The following EPHB2 variants were observed in gnomAD, a reference collection of about 807,000 sequenced individuals.
EPHB2 encodes the protein ephrin type-B receptor 2.
EPHB2 carries 18 observed loss-of-function variants against 96.4 expected under a neutral mutation model. That is an observed-to-expected ratio of 0.19 (90% CI 0.13 to 0.28). The LOEUF (loss-of-function observed/expected upper bound fraction) is 0.28, where lower values mean the gene tolerates loss of function less well. EPHB2 is among the 10% of genes least tolerant of loss of function. The probability of loss-of-function intolerance (pLI) is 1.00; values close to 1 mark genes in which losing one functional copy is unlikely to be tolerated. For missense variants in EPHB2, 989 were observed against 1,355.4 expected (o/e 0.73, Z 4.25); for synonymous variants, 506 against 534.1 (o/e 0.95, Z 0.72).
intron 3 of EPHB2, among the ~76,000 whole-genome samples, chr1:22,838,090 C>T (rs1453360638): frequency 2.0e-5 from 3 of 152,146 alleles, no homozygotes; most frequent in Non-Finnish European, 2.9e-5. Flanking sequence ...TAGTAAGGGG[C>T]AGATAAACAG....
intron 6 of EPHB2, among the ~76,000 whole-genome samples, chr1:22,886,787 C>T (rs2817892): frequency 0.017 from 2,649 of 151,966 alleles, 83 homozygotes; most frequent in African/African-American, 0.06. Context: ...CCACCATGCC[C>T]GGCTAATTTT....
chr1:22,913,420 T>C lies in EPHB2; in HGVS notation c.2853-42T>C, dbSNP rs371733649. The C allele has an allele frequency of 1.9e-6, 3 of 1,609,340 alleles. No homozygotes were observed. The highest frequency in any genetic ancestry group is 1.1e-5 in the South Asian group (1 of 89,862). On this transcript the variant is annotated intron_variant, in intron 15 of 15. Coordinates refer to ENST00000374630, the MANE Select transcript of EPHB2 (RefSeq NM_017449.5). The surrounding 1 kb of genome is among the most constrained non-coding windows in gnomAD (Gnocchi z 4.1). The stretch of plus-strand genomic sequence containing the variant: ...GCTCTCTACCAGGCACAGGACCCCT[T>C]CACCCGCATATTTCCCTAACACACG...
At chr1:22,796,305 C>A (rs959699289) in intron 3 of EPHB2, among the ~76,000 whole-genome samples, 1 of 151,928 alleles carries the variant, frequency 6.6e-6, no homozygotes, top group African/African-American at 2.4e-5. Flanking sequence ...GGTTATCCTG[C>A]GGGGTGGGCT....
chr1:22,747,339 C>T (rs6689527), intron 1 of EPHB2, among the ~76,000 whole-genome samples: 5,645 of 152,292 alleles, frequency 0.037, 332 homozygotes, highest in African/African-American at 0.13. Flanking sequence ...AGTGCTTTTA[C>T]GGAGTTATAT....
chr1:22,753,089 T>C (rs1235908109), intron 1 of EPHB2, among the ~76,000 whole-genome samples: 1 of 152,052 alleles, frequency 6.6e-6, no homozygotes, highest in Non-Finnish European at 1.5e-5. Flanking sequence ...CCCAGGCTGA[T>C]ATTTTGTTTC....
At chr1:22,909,563 G>T (rs1640025902) in intron 13 of EPHB2, among the ~76,000 whole-genome samples, 1 of 152,182 alleles carries the variant, frequency 6.6e-6, no homozygotes, top group Admixed American at 6.5e-5. Context: ...GAGTAGCCTG[G>T]AGGCACTGAG....
intron 1 of EPHB2, among the ~76,000 whole-genome samples, chr1:22,726,407 TC>T (rs1445948598): frequency 7.7e-6 from 1 of 129,792 alleles, no homozygotes; most frequent in Non-Finnish European, 1.8e-5. Flanking sequence ...CATAATAGTT[TC>T]TTTTTCTTTT....
intron 1 of EPHB2, among the ~76,000 whole-genome samples, chr1:22,741,391 G>A (rs1643900313): frequency 6.6e-6 from 1 of 152,022 alleles, no homozygotes; most frequent in South Asian, 2.1e-4. Context: ...ACACCTGGCT[G>A]CCTTCCTCCA....
intron 3 of EPHB2, among the ~76,000 whole-genome samples, chr1:22,788,412 G>A (rs1644642064): frequency 6.6e-6 from 1 of 152,220 alleles, no homozygotes; most frequent in Non-Finnish European, 1.5e-5. Context: ...TGAGCTCAGG[G>A]AGCCCAGAAG....
chr1:22,895,893 A>G (rs1639543254), intron 8 of EPHB2, among the ~76,000 whole-genome samples: 1 of 152,208 alleles, frequency 6.6e-6, no homozygotes, highest in Non-Finnish European at 1.5e-5. Context: ...TGGAAGGGGT[A>G]TACAGATTGT....
At chr1:22,780,014 C>A (rs1367034883) in intron 1 of EPHB2, among the ~76,000 whole-genome samples, 1 of 152,232 alleles carries the variant, frequency 6.6e-6, no homozygotes, top group African/African-American at 2.4e-5. Context: ...ACTACCAGAC[C>A]AGGAACTGCT....
Position 22,733,205 on chromosome 1 carries a change from C to T in EPHB2, c.61+22162C>T, listed in dbSNP as rs1477941899. Among the ~76,000 whole-genome samples the T allele has an allele frequency of 6.6e-6, 1 of 152,266 alleles. No individual in the cohort carries two copies. Among genetic ancestry groups the T allele is most frequent in the South Asian group, 2.1e-4 (1 of 4,828 alleles). ...CTGGGATTACAGGTGCCTGCCACCA[C>T]GCCTGGCTGATTTTTGTATTTTTAG... is the stretch of plus-strand genomic sequence containing the variant. On this transcript the variant is annotated intron_variant, in intron 1 of 15. Transcript: ENST00000374630. This position sits in a 1 kb window ranked among gnomAD's most constrained non-coding sequence, Gnocchi z 4.6.
At chr1:22,738,352 G>T (rs1333734104) in intron 1 of EPHB2, among the ~76,000 whole-genome samples, 1 of 152,200 alleles carries the variant, frequency 6.6e-6, no homozygotes, top group Non-Finnish European at 1.5e-5. Context: ...AGCATGTAGT[G>T]ATGATAGTCA....
rs936047412 is a variant in EPHB2, at chr1:22,920,414, A to G, written c.*6844A>G. 2.0e-5 allele frequency: 3 copies of G among 152,278 alleles called. No individual in the cohort carries two copies. The highest frequency in any genetic ancestry group is 7.2e-5 in the African/African-American group (3 of 41,446). The allele number at this position is 152,278 out of a possible 1,614,324, so 9.4% of individuals were successfully genotyped here. A position where few individuals can be genotyped will look rare whatever the true frequency, so the allele number is the denominator to read the frequency against. ...AGAACCCCTTCCTATTCAGAGCCAG[A>G]GTCTTAACACTGGACAACCACAGGG... On this transcript the variant is annotated 3_prime_UTR_variant, in exon 16 of 16. Transcript: ENST00000374630.
At position 22,717,926 on chromosome 1, in the gene EPHB2, G is replaced by A. The variant is rs1485512507; in HGVS notation, c.61+6883G>A. Among the ~76,000 whole-genome samples, 5 of 152,176 alleles carry A rather than the reference G, an allele frequency of 3.3e-5. No homozygotes were observed. The East Asian group carries it at 9.6e-4, about 29-fold the overall frequency. The stretch of plus-strand genomic sequence containing the variant: ...CCTTGGTTTCCTCATCTTTCAAATG[G>A]GGGTAATCATTGTTCCTAGCTCTTG... On this transcript the variant is annotated intron_variant, in intron 1 of 15. Transcript: ENST00000374630.
rs1160019321 is a variant in EPHB2 at position 22,803,149 on chromosome 1, C to T, written c.811+18073C>T. 2.6e-5 allele frequency among the ~76,000 whole-genome samples: 4 copies of T among 152,146 alleles called. No individual in the cohort carries two copies. The East Asian group carries it at 7.7e-4, about 29-fold the overall frequency. ...CCTGAGAGGCAGGGTAGTTGTGGGGCTTCTAGGGGAAGGGCATCTCCTGTC... is the reference window on the plus strand; with the variant it reads ...CCTGAGAGGCAGGGTAGTTGTGGGGTTTCTAGGGGAAGGGCATCTCCTGTC... On this transcript the variant is annotated intron_variant, in intron 3 of 15. Coordinates refer to ENST00000374630, the MANE Select transcript of EPHB2 (RefSeq NM_017449.5).
chr1:22,784,368 A>G lies in EPHB2; in HGVS notation c.127-24A>G, dbSNP rs755780088. ...GCTGGGGCTGAGCCCTTACCTCCCC[A>G]CCTGACGAGCATTTTACCCACAGTG... On this transcript the variant is annotated intron_variant, in intron 2 of 15. Transcript: ENST00000374630. The surrounding 1 kb of genome is among the most constrained non-coding windows in gnomAD (Gnocchi z 5.1). The G allele has an allele frequency of 3.4e-5, 55 of 1,612,986 alleles. No individual in the cohort carries two copies. The East Asian group carries it at 1.2e-3, about 36-fold the overall frequency.
rs958481322 is a variant in EPHB2 at position 22,914,439 on chromosome 1, T to A, written c.*869T>A. ...CAGCTCCGACTGCCGCTGAGAAGGG[T>A]TGATCCTGCATCTGGGTTTGTTTAC... On this transcript the variant is annotated 3_prime_UTR_variant, in exon 16 of 16. Transcript: ENST00000374630. 1.5e-4 allele frequency: 23 copies of A among 153,768 alleles called. No homozygotes were observed. Among genetic ancestry groups the A allele is most frequent in the African/African-American group, 4.6e-4 (19 of 41,538 alleles). 9.5% of individuals were successfully genotyped at this position (153,768 alleles called of 1,614,324 possible). A position where few individuals can be genotyped will look rare whatever the true frequency, so the allele number is the denominator to read the frequency against.
chr1:22,729,187 A>G (rs1317825568), intron 1 of EPHB2, among the ~76,000 whole-genome samples: 1 of 152,128 alleles, frequency 6.6e-6, no homozygotes, highest in African/African-American at 2.4e-5. Context: ...CAGCAAGTAG[A>G]CCTCAGCCAG....
Sources: allele counts gnomAD v4.1 joint callset (sites outside exome capture counted in the v4.1 genomes callset), GRCh38; gene constraint gnomAD v4.1.1; non-coding constraint Gnocchi (gnomAD v3.1); transcripts MANE v1.5; gene names NCBI Gene and HGNC (gene_info 2026-07-23, HGNC 2026-07-21).